Variants in SCARA3 observed in about 807,000 individuals in gnomAD.
SCARA3 encodes scavenger receptor class A member 3, also known as cellular stress response gene protein.
SCARA3 carries 39 observed loss-of-function variants against 47.0 expected under a neutral mutation model. The observed-to-expected ratio is 0.83, with a 90% CI of 0.64 to 1.08. The LOEUF (loss-of-function observed/expected upper bound fraction) is 1.08. Among genes scored for constraint, SCARA3 ranks in the 50% least tolerant of loss-of-function variants. The pLI is 0.00. For synonymous variants in SCARA3, 356 were observed against 334.1 expected (o/e 1.07, Z -0.71); for missense variants, 724 against 792.3 (o/e 0.91, Z 1.04).
At chr8:27,715,857 G>GATAC in the SCARA3 span, among the ~76,000 whole-genome samples, 69 of 107,294 alleles carry the variant, frequency 6.4e-4, no homozygotes, top group Non-Finnish European at 1.1e-3. The surrounding 1 kb of genome is among the most constrained non-coding windows in gnomAD (Gnocchi z 4.2). Flanking sequence ...TAGATAGATA[G>GATAC]ATAGATACAT....
chr8:27,660,491 G>GGATA (rs34842841), intron 5 of SCARA3, among the ~76,000 whole-genome samples: 5 of 150,534 alleles, frequency 3.3e-5, no homozygotes, highest in African/African-American at 7.4e-5. Context: ...TGATAGAAAT[G>GGATA]GATAGATAGA....
At chr8:27,723,895 C>T in the SCARA3 span, among the ~76,000 whole-genome samples, 3 of 152,218 alleles carry the variant, frequency 2.0e-5, no homozygotes, top group East Asian at 1.9e-4. Flanking sequence ...GCCACCATGC[C>T]GAGCTAATTT....
chr8:27,655,954 C>T (rs996811808), intron 3 of SCARA3, among the ~76,000 whole-genome samples: 6 of 152,120 alleles, frequency 3.9e-5, no homozygotes, highest in African/African-American at 1.2e-4. Context: ...CAGTAGTCCC[C>T]GTTTATCCGC....
At chr8:27,634,277 G>C (rs980289475) in intron 1 of SCARA3, 70 bp downstream of exon 1, 16 of 1,271,422 alleles carry the variant, frequency 1.3e-5, no homozygotes, top group Non-Finnish European at 1.6e-5. Flanking sequence ...AGGGCCTGGG[G>C]GGCGCCTTTT....
chr8:27,701,583 TTC>T, the SCARA3 span: 1 of 151,706 alleles, frequency 6.6e-6, no homozygotes, highest in East Asian at 2.0e-4. Flanking sequence ...TTCTTTCTCT[TTC>T]TCTCTTTCTT....
intron 1 of SCARA3, among the ~76,000 whole-genome samples, chr8:27,639,794 T>A (rs1286520330): frequency 6.6e-6 from 1 of 152,032 alleles, no homozygotes; most frequent in African/African-American, 2.4e-5. Context: ...AGAACCATGA[T>A]GGTAATGTCA....
chr8:27,719,760 T>C, the SCARA3 span, among the ~76,000 whole-genome samples: 22 of 152,274 alleles, frequency 1.4e-4, no homozygotes, highest in Admixed American at 3.9e-4. Flanking sequence ...AAGAAGCAGA[T>C]GTAGTAATTG....
At chr8:27,687,819 C>T in the SCARA3 span, among the ~76,000 whole-genome samples, 108 of 152,062 alleles carry the variant, frequency 7.1e-4, no homozygotes, top group Non-Finnish European at 5.9e-4. Context: ...GAGTTCGAGA[C>T]CAGCCTGGCT....
chr8:27,680,709 C>T (rs1218013493), downstream of SCARA3, among the ~76,000 whole-genome samples: 4 of 152,022 alleles, frequency 2.6e-5, no homozygotes, highest in Non-Finnish European at 5.9e-5. Context: ...GACAAATAAT[C>T]CTCAGGAATA....
At position 27,671,565 on chromosome 8, in the gene SCARA3, T is replaced by C; in HGVS notation, c.*214T>C. Reference sequence around the variant, plus strand: ...ACATACATGTGCACATGCACACACATGCATGCACACACATGCACACATACA... The same window carrying C: ...ACATACATGTGCACATGCACACACACGCATGCACACACATGCACACATACA... On this transcript the variant is annotated 3_prime_UTR_variant, in exon 6 of 6. Transcript: ENST00000301904. 7.9e-7 allele frequency: 1 copy of C among 1,269,964 alleles called. No individual in the cohort carries two copies. Among genetic ancestry groups the C allele is most frequent in the Non-Finnish European group, 9.9e-7 (1 of 1,010,954 alleles). The allele number at this position is 1,269,964 out of a possible 1,614,324, so 78.7% of individuals were successfully genotyped here. A position where few individuals can be genotyped will look rare whatever the true frequency, so the allele number is the denominator to read the frequency against.
At chr8:27,690,033 T>A in the SCARA3 span, among the ~76,000 whole-genome samples, 1 of 152,208 alleles carries the variant, frequency 6.6e-6, no homozygotes, top group South Asian at 2.1e-4. Context: ...TATCTGTTAT[T>A]CAGAGAGGCT....
downstream of SCARA3, among the ~76,000 whole-genome samples, chr8:27,681,282 G>T (rs1802350384): frequency 6.6e-6 from 1 of 152,076 alleles, no homozygotes; most frequent in South Asian, 2.1e-4. Flanking sequence ...TTTGATCAAA[G>T]CCTACAAGGT....
At chr8:27,721,903 G>C in the SCARA3 span, among the ~76,000 whole-genome samples, 8 of 152,208 alleles carry the variant, frequency 5.3e-5, no homozygotes, top group South Asian at 1.2e-3. Flanking sequence ...GCAATGTAGC[G>C]AGATGCCGTC....
At chr8:27,638,915 C>A (rs1348560717) in intron 1 of SCARA3, among the ~76,000 whole-genome samples, 1 of 152,186 alleles carries the variant, frequency 6.6e-6, no homozygotes, top group Non-Finnish European at 1.5e-5. Context: ...GTTTCAGCCA[C>A]AGACAGGCTC....
the SCARA3 span, among the ~76,000 whole-genome samples, chr8:27,705,500 T>C: frequency 6.6e-6 from 1 of 152,256 alleles, no homozygotes; most frequent in Non-Finnish European, 1.5e-5. Flanking sequence ...AGGGGCTCCT[T>C]GGCTGTGAAG....
At chr8:27,684,335 G>C in the SCARA3 span, among the ~76,000 whole-genome samples, 1 of 152,174 alleles carries the variant, frequency 6.6e-6, no homozygotes, top group Non-Finnish European at 1.5e-5. Flanking sequence ...AAAATAAGTA[G>C]AGGAATGTGG....
the SCARA3 span, among the ~76,000 whole-genome samples, chr8:27,719,892 G>A: frequency 6.6e-6 from 1 of 152,092 alleles, no homozygotes; most frequent in Non-Finnish European, 1.5e-5. Flanking sequence ...CTAGAGCCCT[G>A]GGAATGACTC....
chr8:27,714,192 C>CT, the SCARA3 span, among the ~76,000 whole-genome samples: 11 of 114,346 alleles, frequency 9.6e-5, no homozygotes, highest in African/African-American at 3.7e-4. Flanking sequence ...CTCAGGTATT[C>CT]CTTTTTTTTT....
chr8:27,672,137 C>G lies in SCARA3; in HGVS notation c.*786C>G. 3.0e-6 allele frequency: 3 copies of G among 985,464 alleles called. No individual in the cohort carries two copies. The highest frequency in any genetic ancestry group is 2.4e-6 in the Non-Finnish European group (2 of 829,962). The allele number at this position is 985,464 out of a possible 1,614,324, so 61.0% of individuals were successfully genotyped here. The stretch of plus-strand genomic sequence containing the variant: ...GGGACCAGCATACCCGGGAGCTGTC[C>G]CTGTCTGTCACAGCACAGTGGGGCC... On this transcript the variant is annotated 3_prime_UTR_variant, in exon 6 of 6. Coordinates refer to ENST00000301904, the MANE Select transcript of SCARA3 (RefSeq NM_016240.3).
Sources: allele counts gnomAD v4.1 joint callset (sites outside exome capture counted in the v4.1 genomes callset), GRCh38; gene constraint gnomAD v4.1.1; non-coding constraint Gnocchi (gnomAD v3.1); transcripts MANE v1.5; gene names NCBI Gene and HGNC (gene_info 2026-07-23, HGNC 2026-07-21).